Variants in CA10 observed in about 807,000 individuals in gnomAD.
CA10 encodes the protein carbonic anhydrase-related protein 10.
CA10 carries 14 observed loss-of-function variants against 44.2 expected under a neutral mutation model. That is an observed-to-expected ratio of 0.32 (90% CI 0.21 to 0.50). The LOEUF is 0.50. CA10 is among the 20% of genes least tolerant of loss of function. The pLI, the probability that CA10 is intolerant of heterozygous loss-of-function variation, is 0.99. For synonymous variants in CA10, 159 were observed against 141.6 expected, an observed-to-expected ratio of 1.12 and a Z score of -0.87; for missense variants, 350 against 409.7, an observed-to-expected ratio of 0.85 and a Z score of 1.26.
intron 3 of CA10, among the ~76,000 whole-genome samples, chr17:51,867,263 T>C (rs1288636177): frequency 6.6e-6 from 1 of 152,086 alleles, no homozygotes; most frequent in Non-Finnish European, 1.5e-5. Context: ...TCGTGGCATA[T>C]TGAAAGGAAA....
At chr17:51,874,406 A>AG in intron 3 of CA10, among the ~76,000 whole-genome samples, 1 of 149,324 alleles carries the variant, frequency 6.7e-6, no homozygotes, top group East Asian at 2.0e-4. Context: ...AAAAAAAAAA[A>AG]CAAAAACTGA....
At chr17:52,069,081 G>A (rs182573858) in intron 2 of CA10, among the ~76,000 whole-genome samples, 24 of 152,246 alleles carry the variant, frequency 1.6e-4, no homozygotes, top group African/African-American at 5.1e-4. Context: ...TTCTCTTAAG[G>A]CCTTCAACTC....
At chr17:52,141,677 G>C (rs1297494215) in intron 1 of CA10, among the ~76,000 whole-genome samples, 2 of 152,156 alleles carry the variant, frequency 1.3e-5, no homozygotes, top group Non-Finnish European at 2.9e-5. Context: ...TAAACAAACA[G>C]GTTGTGGGCT....
At chr17:51,978,809 T>A (rs1194275161) in intron 2 of CA10, among the ~76,000 whole-genome samples, 1 of 152,120 alleles carries the variant, frequency 6.6e-6, no homozygotes, top group East Asian at 1.9e-4. Context: ...TTTTACCTAG[T>A]CATTGCCCAT....
intron 3 of CA10, among the ~76,000 whole-genome samples, chr17:51,837,328 CCTT>C (rs1471027700): frequency 6.6e-6 from 1 of 152,104 alleles, no homozygotes; most frequent in African/African-American, 2.4e-5. Flanking sequence ...AAAAGTAGGA[CCTT>C]CTTCTACCAA....
chr17:51,721,965 C>T (rs989344612), intron 4 of CA10, among the ~76,000 whole-genome samples: 15 of 152,072 alleles, frequency 9.9e-5, no homozygotes, highest in Admixed American at 5.9e-4. Context: ...AATTATCAAA[C>T]ATGAAGAGGG....
intron 2 of CA10, among the ~76,000 whole-genome samples, chr17:51,959,325 TGA>T: frequency 1.4e-5 from 2 of 143,196 alleles, no homozygotes; most frequent in Admixed American, 7.2e-5. Context: ...TGTGTGTGTG[TGA>T]ATCGTCATTA....
intron 3 of CA10, among the ~76,000 whole-genome samples, chr17:51,919,931 C>T (rs911814468): frequency 7.2e-5 from 11 of 152,118 alleles, no homozygotes; most frequent in African/African-American, 2.7e-4. Flanking sequence ...GGATTACAGG[C>T]GTGAGCCACT....
intron 1 of CA10, among the ~76,000 whole-genome samples, chr17:52,095,034 CTTTA>C (rs956195813): frequency 5.9e-5 from 9 of 152,142 alleles, no homozygotes; most frequent in Non-Finnish European, 8.8e-5. Flanking sequence ...TTTACATCAG[CTTTA>C]TTTATCATAG....
intron 2 of CA10, among the ~76,000 whole-genome samples, chr17:51,937,996 A>T (rs1982932826): frequency 6.6e-6 from 1 of 152,156 alleles, no homozygotes; most frequent in Non-Finnish European, 1.5e-5. Context: ...ACTATTATAC[A>T]GGGAAAATTT....
chr17:52,118,914 C>T (rs1471390064), intron 1 of CA10, among the ~76,000 whole-genome samples: 1 of 152,116 alleles, frequency 6.6e-6, no homozygotes, highest in Non-Finnish European at 1.5e-5. Context: ...CTCTCAAATG[C>T]AGATTTCTTG....
intron 3 of CA10, among the ~76,000 whole-genome samples, chr17:51,887,590 C>T (rs965665066): frequency 1.3e-5 from 2 of 152,120 alleles, no homozygotes; most frequent in African/African-American, 4.8e-5. Context: ...AGTTATTTAC[C>T]TCAGCCTCAG....
intron 4 of CA10, among the ~76,000 whole-genome samples, chr17:51,682,991 T>C (rs1267252117): frequency 6.6e-6 from 1 of 152,236 alleles, no homozygotes; most frequent in East Asian, 1.9e-4. Context: ...CCCTTGGACC[T>C]ACTGAATCCT....
At chr17:52,153,530 T>C (rs542831574) in intron 1 of CA10, among the ~76,000 whole-genome samples, 29 of 152,232 alleles carry the variant, frequency 1.9e-4, no homozygotes, top group African/African-American at 6.3e-4. Flanking sequence ...ATTGGACTCA[T>C]AGGGATAAAG....
chr17:51,901,061 G>T (rs1408588659), intron 3 of CA10, among the ~76,000 whole-genome samples: 1 of 152,194 alleles, frequency 6.6e-6, no homozygotes, highest in African/African-American at 2.4e-5. Context: ...AACCAGTGCA[G>T]TTGTTTGGAG....
At chr17:52,047,300 G>T (rs953472976) in intron 2 of CA10, among the ~76,000 whole-genome samples, 1 of 151,950 alleles carries the variant, frequency 6.6e-6, no homozygotes, top group African/African-American at 2.4e-5. Flanking sequence ...AGGGGTCAGA[G>T]GAGTTCCTCT....
chr17:52,130,443 TAC>T (rs1158954622), intron 1 of CA10, among the ~76,000 whole-genome samples: 2 of 152,190 alleles, frequency 1.3e-5, no homozygotes, highest in Non-Finnish European at 2.9e-5. Flanking sequence ...AAATGTGGTA[TAC>T]ACACAAATAG....
intron 3 of CA10, among the ~76,000 whole-genome samples, chr17:51,821,225 G>T (rs2143763309): frequency 6.9e-6 from 1 of 145,658 alleles, no homozygotes. Flanking sequence ...GAAACCAAAT[G>T]AAAAAGCTCC....
intron 3 of CA10, among the ~76,000 whole-genome samples, chr17:51,797,350 GCACGCACGCGTGCACGCACACACGCA>G (rs1271318791): frequency 2.0e-5 from 3 of 152,174 alleles, no homozygotes; most frequent in Middle Eastern, 3.2e-3. Flanking sequence ...GCATGCGCGC[GCACGCACGCGTGCACGCACACACGCA>G]CACCCCGCCC....
Sources: allele counts gnomAD v4.1 joint callset (sites outside exome capture counted in the v4.1 genomes callset), GRCh38; gene constraint gnomAD v4.1.1; transcripts MANE v1.5; gene names NCBI Gene and HGNC (gene_info 2026-07-23, HGNC 2026-07-21).